Variants in CAMK1D observed in about 807,000 individuals in gnomAD.
The protein encoded by CAMK1D is calcium/calmodulin-dependent protein kinase type 1D.
In CAMK1D, 9 loss-of-function variants were observed where a neutral mutation model predicts 47.7. The ratio of observed to expected loss-of-function variants is 0.19; its 90% CI spans 0.11 to 0.33. The LOEUF is 0.33. CAMK1D is among the 10% of genes least tolerant of loss of function. CAMK1D has a pLI of 1.00. For synonymous variants in CAMK1D, 184 were observed against 184.9 expected (o/e 0.99, Z 0.04); for missense variants, 291 against 488.7 (o/e 0.60, Z 3.81).
chr10:12,705,371 G>A (rs913904059), intron 3 of CAMK1D, among the ~76,000 whole-genome samples: 7 of 152,068 alleles, frequency 4.6e-5, no homozygotes, highest in Admixed American at 3.9e-4. Context: ...TGAGGGAGGA[G>A]AATCACTTGA....
At chr10:12,462,498 T>A (rs1362411304) in intron 1 of CAMK1D, among the ~76,000 whole-genome samples, 1 of 151,632 alleles carries the variant, frequency 6.6e-6, no homozygotes. Flanking sequence ...TAAATGGTTA[T>A]AAGCATTGGA....
chr10:12,468,830 C>T (rs1178069868), intron 1 of CAMK1D, among the ~76,000 whole-genome samples: 2 of 152,168 alleles, frequency 1.3e-5, no homozygotes, highest in Non-Finnish European at 2.9e-5. Context: ...GAAGAATTAG[C>T]CTCTGTCTTT....
chr10:12,365,104 A>G (rs969885828), intron 1 of CAMK1D, among the ~76,000 whole-genome samples: 1 of 151,234 alleles, frequency 6.6e-6, no homozygotes, highest in Non-Finnish European at 1.5e-5. Flanking sequence ...TTATAGGTAT[A>G]CACCACCACG....
intron 1 of CAMK1D, among the ~76,000 whole-genome samples, chr10:12,534,861 C>T (rs541417660): frequency 8.5e-4 from 129 of 151,000 alleles, no homozygotes; most frequent in African/African-American, 3.0e-3. Flanking sequence ...ACTAGAATGG[C>T]GAGTCATGTG....
chr10:12,562,642 A>G (rs997316836), intron 2 of CAMK1D, among the ~76,000 whole-genome samples: 2 of 152,108 alleles, frequency 1.3e-5, no homozygotes, highest in African/African-American at 2.4e-5. Context: ...AGATAATTGC[A>G]TCTTTCCTGC....
chr10:12,769,619 A>G, intron 4 of CAMK1D, 54 bp from the exon 5 acceptor site: 2 of 1,597,798 alleles, frequency 1.3e-6, no homozygotes, highest in Admixed American at 3.4e-5. Flanking sequence ...GTCTTCCACA[A>G]TTAACCCAGC....
intron 2 of CAMK1D, among the ~76,000 whole-genome samples, chr10:12,630,342 A>G (rs980845054): frequency 6.7e-5 from 10 of 148,884 alleles, no homozygotes; most frequent in African/African-American, 2.5e-4. Context: ...TTCTTATCCA[A>G]ATTCTGCTAA....
intron 1 of CAMK1D, among the ~76,000 whole-genome samples, chr10:12,532,402 C>T (rs933685202): frequency 1.3e-5 from 2 of 151,380 alleles, no homozygotes; most frequent in East Asian, 3.9e-4. Flanking sequence ...GCCTCAGCCT[C>T]CCAAGTAGCT....
At chr10:12,791,409 C>T (rs1008807863) in intron 6 of CAMK1D, among the ~76,000 whole-genome samples, 176 bp downstream of exon 6, 2 of 152,260 alleles carry the variant, frequency 1.3e-5, no homozygotes, top group Non-Finnish European at 2.9e-5. Flanking sequence ...GCACAACCAC[C>T]ATTACTATTC....
intron 3 of CAMK1D, among the ~76,000 whole-genome samples, chr10:12,735,824 C>T (rs1472164265): frequency 1.3e-5 from 2 of 151,422 alleles, no homozygotes; most frequent in African/African-American, 4.9e-5. Context: ...GAAGCTGTAA[C>T]CCCTCCTTGC....
At chr10:12,414,079 T>G (rs1319827982) in intron 1 of CAMK1D, among the ~76,000 whole-genome samples, 1 of 152,186 alleles carries the variant, frequency 6.6e-6, no homozygotes, top group Non-Finnish European at 1.5e-5. Context: ...AGTTCCCTGA[T>G]AGTTGGGAAA....
chr10:12,385,904 G>A (rs1043195371), intron 1 of CAMK1D, among the ~76,000 whole-genome samples: 2 of 152,002 alleles, frequency 1.3e-5, no homozygotes, highest in Admixed American at 6.6e-5. Context: ...GCGCCACCGC[G>A]CCTGGCTATT....
At chr10:12,574,497 T>TTAA (rs368308201) in intron 2 of CAMK1D, among the ~76,000 whole-genome samples, 1 of 128,720 alleles carries the variant, frequency 7.8e-6, no homozygotes, top group Non-Finnish European at 1.6e-5. Context: ...TTTTTTTTTT[T>TTAA]AGTAGAGACG....
intron 2 of CAMK1D, among the ~76,000 whole-genome samples, chr10:12,617,539 C>T (rs1355734658): frequency 4.6e-5 from 7 of 152,126 alleles, no homozygotes; most frequent in Admixed American, 4.6e-4. Flanking sequence ...CAGGGCGAGG[C>T]AGTTTGTATT....
chr10:12,680,283 G>C (rs1160934034), intron 3 of CAMK1D, among the ~76,000 whole-genome samples: 2 of 152,214 alleles, frequency 1.3e-5, no homozygotes, highest in Non-Finnish European at 2.9e-5. Flanking sequence ...GGAGTAGAGA[G>C]CCACAGAGTC....
chr10:12,760,107 C>T (rs1422528675), intron 3 of CAMK1D, among the ~76,000 whole-genome samples: 1 of 152,050 alleles, frequency 6.6e-6, no homozygotes, highest in Non-Finnish European at 1.5e-5. Context: ...TGTTTGTATT[C>T]TGGCTTGTAC....
At chr10:12,666,835 G>A (rs1414081226) in intron 3 of CAMK1D, 25 bp downstream of exon 3, 4 of 1,579,830 alleles carry the variant, frequency 2.5e-6, no homozygotes, top group Admixed American at 1.7e-5. Context: ...TGATTGATGA[G>A]TTTTGAACCA....
At chr10:12,504,602 C>A (rs185618152) in intron 1 of CAMK1D, among the ~76,000 whole-genome samples, 3 of 152,160 alleles carry the variant, frequency 2.0e-5, no homozygotes, top group African/African-American at 7.2e-5. Flanking sequence ...CACCTAGAAA[C>A]GATGCTTTAC....
At chr10:12,424,522 G>A (rs112206515) in intron 1 of CAMK1D, among the ~76,000 whole-genome samples, 4 of 152,184 alleles carry the variant, frequency 2.6e-5, no homozygotes, top group African/African-American at 4.8e-5. Flanking sequence ...TGCCTCCTCC[G>A]TGAATTTCTC....
Sources: allele counts gnomAD v4.1 joint callset (sites outside exome capture counted in the v4.1 genomes callset), GRCh38; gene constraint gnomAD v4.1.1; transcripts MANE v1.5; gene names NCBI Gene and HGNC (gene_info 2026-07-23, HGNC 2026-07-21).